The following ADGRL2 variants were observed in gnomAD, a reference collection of about 807,000 sequenced individuals.
ADGRL2 encodes the protein adhesion G protein-coupled receptor L2, also known as calcium-independent alpha-latrotoxin receptor 2.
A neutral mutation model predicts 157.4 loss-of-function variants in ADGRL2; 44 were observed. The ratio of observed to expected loss-of-function variants is 0.28; its 90% confidence interval spans 0.22 to 0.36. The LOEUF is 0.36. ADGRL2 is among the 10% of genes least tolerant of loss of function. The pLI is 1.00. For missense variants in ADGRL2, 1,510 were observed against 1,768.9 expected (o/e 0.85, Z 2.63); for synonymous variants, 585 against 624.7 (o/e 0.94, Z 0.95).
intron 2 of ADGRL2, among the ~76,000 whole-genome samples, chr1:81,481,494 A>T (rs958630025): frequency 6.6e-6 from 1 of 152,208 alleles, no homozygotes; most frequent in African/African-American, 2.4e-5. Flanking sequence ...GCTCCCAGGC[A>T]GGTGGGCAAC....
chr1:81,729,676 T>C (rs1196185351), intron 1 of ADGRL2, among the ~76,000 whole-genome samples: 1 of 152,232 alleles, frequency 6.6e-6, no homozygotes, highest in Non-Finnish European at 1.5e-5. Flanking sequence ...ATTTTCTATT[T>C]CTCATTTAAC....
intron 2 of ADGRL2, chr1:81,506,255 A>C (rs190269263): frequency 6.6e-6 from 1 of 152,424 alleles, no homozygotes; most frequent in Non-Finnish European, 1.5e-5. Flanking sequence ...CACTGATAAA[A>C]GGTTCATTTA....
intron 2 of ADGRL2, among the ~76,000 whole-genome samples, chr1:81,568,365 G>T (rs2080610149): frequency 6.6e-6 from 1 of 152,060 alleles, no homozygotes; most frequent in South Asian, 2.1e-4. Context: ...AATCAACCAG[G>T]TTTAAACCTT....
intron 2 of ADGRL2, among the ~76,000 whole-genome samples, chr1:81,873,017 A>G (rs2093739571): frequency 6.6e-6 from 1 of 152,150 alleles, no homozygotes; most frequent in Non-Finnish European, 1.5e-5. Flanking sequence ...TATAGTATGA[A>G]ATCAGTATAT....
intron 1 of ADGRL2, among the ~76,000 whole-genome samples, chr1:81,338,461 A>G (rs1435673848): frequency 6.6e-6 from 1 of 152,162 alleles, no homozygotes; most frequent in Non-Finnish European, 1.5e-5. Context: ...CTCAGGCACT[A>G]GGATATTAAC....
At chr1:81,871,606 G>A (rs1430030233) in intron 2 of ADGRL2, among the ~76,000 whole-genome samples, 3 of 152,204 alleles carry the variant, frequency 2.0e-5, no homozygotes, top group Middle Eastern at 3.4e-3. Context: ...GTTGTTTCCT[G>A]ACTTTATAAT....
intron 3 of ADGRL2, among the ~76,000 whole-genome samples, chr1:81,637,757 T>A (rs937821443): frequency 2.0e-5 from 3 of 152,192 alleles, no homozygotes; most frequent in Non-Finnish European, 4.4e-5. Context: ...TTTCAATACA[T>A]GGAAAACTGA....
chr1:81,359,632 AT>A (rs1412072640), intron 1 of ADGRL2, among the ~76,000 whole-genome samples: 2 of 151,962 alleles, frequency 1.3e-5, no homozygotes, highest in Non-Finnish European at 2.9e-5. Flanking sequence ...TTTTACCTTG[AT>A]CTTGCCCCTA....
intron 3 of ADGRL2, 33 bp from the exon 4 acceptor site, chr1:81,936,695 T>C (rs1453155179): frequency 1.7e-6 from 2 of 1,150,994 alleles, no homozygotes; most frequent in South Asian, 2.8e-5. Context: ...AAATAAATTA[T>C]GTTACACAAG....
At chr1:81,592,796 G>A (rs1276914489) in intron 3 of ADGRL2, among the ~76,000 whole-genome samples, 4 of 151,978 alleles carry the variant, frequency 2.6e-5, no homozygotes, top group African/African-American at 9.7e-5. Flanking sequence ...AGGTGTAGGG[G>A]TGGGGAAGTG....
chr1:81,635,039 A>G (rs1416573575), intron 3 of ADGRL2, among the ~76,000 whole-genome samples: 1 of 152,170 alleles, frequency 6.6e-6, no homozygotes, highest in East Asian at 1.9e-4. Flanking sequence ...AATTATACTC[A>G]ACCAGTGAGA....
intron 1 of ADGRL2, chr1:81,721,903 C>A: frequency 1.4e-6 from 1 of 713,472 alleles, no homozygotes; most frequent in South Asian, 1.4e-5. Context: ...AACTTAAAGG[C>A]AGACAAACCA....
Position 81,907,201 on chromosome 1 carries a change from C to T in ADGRL2, c.258C>T (p.Leu86=). 1 of 1,614,002 alleles carries T rather than the reference C, an allele frequency of 6.2e-7. No individual in the cohort carries two copies. Among genetic ancestry groups the T allele is most frequent in the Non-Finnish European group, 8.5e-7 (1 of 1,179,906 alleles). The part of the protein sequence containing the change: ...PFQMENTDCY[L]PDAFKIMTQR... ...AGATGGAGAATACAGACTGCTACCTCCCCGATGCCTTCAAAATTATGACTC... is the reference window on the plus strand; with the variant it reads ...AGATGGAGAATACAGACTGCTACCTTCCCGATGCCTTCAAAATTATGACTC... Residue 86 remains leucine, a synonymous_variant, in exon 3 of 24, where the codon CTC becomes CTT. Transcript: ENST00000686636.
intron 1 of ADGRL2, among the ~76,000 whole-genome samples, chr1:81,728,440 A>G (rs1039166531): frequency 8.5e-5 from 13 of 152,340 alleles, no homozygotes; most frequent in Non-Finnish European, 1.6e-4. Context: ...GTTTTACTAA[A>G]TCACCAAATA....
intron 1 of ADGRL2, among the ~76,000 whole-genome samples, chr1:81,743,923 A>C (rs999576686): frequency 8.5e-5 from 13 of 152,138 alleles, no homozygotes; most frequent in African/African-American, 3.1e-4. Flanking sequence ...ATCATAAGTG[A>C]TAAAGATAAG....
intron 2 of ADGRL2, among the ~76,000 whole-genome samples, chr1:81,477,030 A>G (rs1164865036): frequency 1.3e-5 from 2 of 152,204 alleles, no homozygotes; most frequent in Non-Finnish European, 2.9e-5. Context: ...ACTTGCCCAA[A>G]TAAAACTTAT....
chr1:81,602,984 G>A (rs2081363982), intron 3 of ADGRL2, among the ~76,000 whole-genome samples: 1 of 152,062 alleles, frequency 6.6e-6, no homozygotes, highest in African/African-American at 2.4e-5. Context: ...GGTGAGGAAG[G>A]CTGGTGTTAA....
chr1:81,324,617 A>G (rs1014242469), intron 1 of ADGRL2, among the ~76,000 whole-genome samples: 1 of 151,688 alleles, frequency 6.6e-6, no homozygotes, highest in African/African-American at 2.4e-5. Flanking sequence ...CTTTGGAAGT[A>G]GTATCAAGAG....
chr1:81,674,334 C>T (rs533811818), intron 3 of ADGRL2, among the ~76,000 whole-genome samples: 8 of 152,252 alleles, frequency 5.3e-5, no homozygotes, highest in Non-Finnish European at 1.2e-4. Context: ...TATTGGTCCT[C>T]CTAGGAGAAC....
Sources: allele counts gnomAD v4.1 joint callset (sites outside exome capture counted in the v4.1 genomes callset), GRCh38; gene constraint gnomAD v4.1.1; transcripts MANE v1.5; gene names NCBI Gene and HGNC (gene_info 2026-07-23, HGNC 2026-07-21).